Variants in TTC39C observed in about 807,000 individuals in gnomAD.
The protein encoded by TTC39C is tetratricopeptide repeat domain 39C.
A neutral mutation model predicts 76.3 loss-of-function variants in TTC39C; 33 were observed. That is an observed-to-expected ratio of 0.43 (90% CI 0.33 to 0.58). TTC39C has a LOEUF of 0.58. Ranked by LOEUF, TTC39C falls within the 20% of genes least tolerant of loss-of-function variation. The pLI is 0.04. For missense variants in TTC39C, 595 were observed against 701.4 expected (o/e 0.85, Z 1.71); for synonymous variants, 254 against 260.6 (o/e 0.97, Z 0.24).
rs1568409100 is a variant in TTC39C, at chr18:24,023,999, TATATA to T, written c.167+8962_167+8966del. On this transcript the variant is annotated intron_variant, in intron 1 of 13. Coordinates refer to ENST00000317571, the MANE Select transcript of TTC39C (RefSeq NM_001135993.2). ...ATATATACATATATATATATATATA[TATATA>T]TATATATATATATTTTTTTTTTTTT... Among the ~76,000 whole-genome samples the T allele has an allele frequency of 4.6e-3, 51 of 11,096 alleles. 3 individuals are homozygous for T. The highest frequency in any genetic ancestry group is 8.1e-3 in the Non-Finnish European group (48 of 5,938). The allele number at this position is 11,096 out of a possible 152,430, so 7.3% of individuals were successfully genotyped here.
At position 24,021,755 on chromosome 18, in the gene TTC39C, A is replaced by G. The variant is rs191424326; in HGVS notation, c.167+6717A>G. On this transcript the variant is annotated intron_variant, in intron 1 of 13. Coordinates refer to ENST00000317571, the MANE Select transcript of TTC39C (RefSeq NM_001135993.2). ...TTCTCCATCTCTTCCTTCTTGCTCAATAATTTCAGAACACAAGAAATATGC... is the reference window on the plus strand; with the variant it reads ...TTCTCCATCTCTTCCTTCTTGCTCAGTAATTTCAGAACACAAGAAATATGC... Among the ~76,000 whole-genome samples the G allele has an allele frequency of 3.9e-5, 6 of 152,016 alleles. No homozygotes were observed. The East Asian group carries it at 9.6e-4, about 24-fold the overall frequency.
intron 8 of TTC39C, among the ~76,000 whole-genome samples, chr18:24,118,878 A>G (rs1047690498): frequency 6.6e-6 from 1 of 151,042 alleles, no homozygotes; most frequent in African/African-American, 2.4e-5. Flanking sequence ...CTAATCTCTA[A>G]CTCCTGGCCT....
intron 6 of TTC39C, chr18:24,114,345 A>C: frequency 2.1e-6 from 1 of 466,878 alleles, no homozygotes; most frequent in Non-Finnish European, 3.9e-6. Context: ...TTACCACCTG[A>C]GCAAGGAGAG....
At chr18:24,035,100 G>T (rs145519308) in intron 1 of TTC39C, among the ~76,000 whole-genome samples, 1 of 151,910 alleles carries the variant, frequency 6.6e-6, no homozygotes, top group African/African-American at 2.4e-5. Context: ...ACGTACAGTG[G>T]TGTGATCAGA....
At chr18:24,019,976 A>G (rs1035184170) in intron 1 of TTC39C, 20 of 1,470,584 alleles carry the variant, frequency 1.4e-5, no homozygotes, top group African/African-American at 2.9e-5. Context: ...AAACCATGTC[A>G]GATTCTTGGG....
chr18:24,071,971 G>T (rs2084246460), intron 4 of TTC39C, among the ~76,000 whole-genome samples: 1 of 152,132 alleles, frequency 6.6e-6, no homozygotes, highest in African/African-American at 2.4e-5. Context: ...CTTATGTAGT[G>T]GTTATTTGCT....
intron 6 of TTC39C, among the ~76,000 whole-genome samples, chr18:24,090,446 T>C (rs1377666046): frequency 1.3e-5 from 2 of 152,218 alleles, no homozygotes; most frequent in African/African-American, 4.8e-5. Context: ...CAGTTTAACA[T>C]TTTTAAAAAT....
intron 4 of TTC39C, among the ~76,000 whole-genome samples, chr18:24,072,497 A>T (rs942510948): frequency 6.6e-6 from 1 of 152,196 alleles, no homozygotes; most frequent in Non-Finnish European, 1.5e-5. Context: ...GGGTTTCACC[A>T]TGTTGGCCAG....
chr18:24,037,174 T>C (rs1475422036), intron 1 of TTC39C, among the ~76,000 whole-genome samples: 3 of 152,198 alleles, frequency 2.0e-5, no homozygotes, highest in African/African-American at 7.2e-5. Context: ...GTTTAATGTT[T>C]TGATGAAGTT....
chr18:24,001,894 C>A (rs2083315949), intron 1 of TTC39C, among the ~76,000 whole-genome samples: 1 of 141,292 alleles, frequency 7.1e-6, no homozygotes, highest in Non-Finnish European at 1.5e-5. Flanking sequence ...GGCGCAATCT[C>A]GGCTCACTGC....
intron 6 of TTC39C, among the ~76,000 whole-genome samples, chr18:24,102,758 C>T (rs550814357): frequency 4.1e-4 from 63 of 152,220 alleles, no homozygotes; most frequent in African/African-American, 1.3e-3. Flanking sequence ...ACATGTTGGC[C>T]CCTCTGATGA....
chr18:24,047,992 TATTC>T (rs1298691079), intron 1 of TTC39C, among the ~76,000 whole-genome samples: 1 of 152,222 alleles, frequency 6.6e-6, no homozygotes, highest in Non-Finnish European at 1.5e-5. Context: ...AACACTGTCT[TATTC>T]ATTTAGCCAT....
At position 24,080,645 on chromosome 18, in the gene TTC39C, T is replaced by A. The variant is rs1474498060; in HGVS notation, c.521T>A (p.Leu174Gln). 3 of 1,614,184 alleles carry A rather than the reference T, an allele frequency of 1.9e-6. No homozygotes were observed. Among genetic ancestry groups the A allele is most frequent in the Non-Finnish European group, 2.5e-6 (3 of 1,180,022 alleles). Residue 174 changes from leucine to glutamine, a missense_variant, in exon 5 of 14, where the codon CTG becomes CAG. Coordinates refer to ENST00000317571, the MANE Select transcript of TTC39C (RefSeq NM_001135993.2). ...TGGAAGATTTACAATAAATGCTATC[T>A]GGACATCAATGCCCTTCAGGAGCTG... Reference protein sequence around the residue: ...KAWKIYNKCYLDINALQELYQ... With the variant: ...KAWKIYNKCYQDINALQELYQ...
At chr18:24,002,031 G>A (rs1288786449) in intron 1 of TTC39C, among the ~76,000 whole-genome samples, 1 of 152,090 alleles carries the variant, frequency 6.6e-6, no homozygotes, top group African/African-American at 2.4e-5. Flanking sequence ...GGGTAATTCT[G>A]TTTTGTCGTT....
In TTC39C at chr18:24,030,969, G is replaced by A. The variant is rs538862339; in HGVS notation, c.167+15931G>A. Among the ~76,000 whole-genome samples, 3 of 148,698 alleles carry A rather than the reference G, an allele frequency of 2.0e-5. No homozygotes were observed. In the East Asian group the frequency reaches 6.1e-4, roughly 30 times the overall value. ...CTTTTTGTTTTTGTTTTTGAGACAG[G>A]GTCTTACTCTGTTGCCCAGGCTGGA... On this transcript the variant is annotated intron_variant, in intron 1 of 13. Transcript: ENST00000317571.
chr18:24,034,171 A>G (rs1298586660), intron 1 of TTC39C, among the ~76,000 whole-genome samples: 62 of 152,090 alleles, frequency 4.1e-4, no homozygotes, highest in Admixed American at 4.1e-3. Flanking sequence ...CATTCAAAGA[A>G]CTCTTGGAAA....
intron 4 of TTC39C, among the ~76,000 whole-genome samples, chr18:24,079,443 G>C (rs942522313): frequency 6.6e-6 from 1 of 152,130 alleles, no homozygotes; most frequent in Non-Finnish European, 1.5e-5. Context: ...TTCCTAAGAG[G>C]GCTCTGTTAA....
At chr18:24,082,622 C>G (rs940008319) in intron 5 of TTC39C, among the ~76,000 whole-genome samples, 3 of 152,126 alleles carry the variant, frequency 2.0e-5, no homozygotes, top group Non-Finnish European at 4.4e-5. Flanking sequence ...TTATGTCAGC[C>G]ATCTCTTCAG....
intron 1 of TTC39C, among the ~76,000 whole-genome samples, chr18:24,045,907 A>ATG (rs763445828): frequency 4.2e-4 from 17 of 40,594 alleles, no homozygotes; most frequent in Middle Eastern, 0.015. Flanking sequence ...ATATATATAT[A>ATG]TATATATATA....
Sources: gnomAD v4.1 joint callset for allele counts (sites outside exome capture counted in the v4.1 genomes callset) on GRCh38, gnomAD v4.1.1 for gene constraint, MANE v1.5 for transcripts, NCBI Gene and HGNC (gene_info 2026-07-23, HGNC 2026-07-21) for gene names.